The following GALNTL6 variants were observed in gnomAD, a reference collection of about 807,000 sequenced individuals.
GALNTL6 encodes the protein polypeptide N-acetylgalactosaminyltransferase-like 6.
GALNTL6 carries 46 observed loss-of-function variants against 73.7 expected under a neutral mutation model. The ratio of observed to expected loss-of-function variants is 0.62; its 90% CI spans 0.49 to 0.80. The LOEUF (loss-of-function observed/expected upper bound fraction) is 0.80. GALNTL6 is among the 30% of genes least tolerant of loss of function. GALNTL6 has a pLI of 0.00. For missense variants in GALNTL6, 604 were observed against 755.0 expected (o/e 0.80, Z 2.34); for synonymous variants, 259 against 263.7 (o/e 0.98, Z 0.17).
intron 12 of GALNTL6, among the ~76,000 whole-genome samples, chr4:173,033,447 A>G (rs566414200): frequency 7.2e-5 from 11 of 151,772 alleles, no homozygotes; most frequent in African/African-American, 2.4e-4. Flanking sequence ...TTTTATGCCT[A>G]TCAAGGTGTT....
intron 2 of GALNTL6, among the ~76,000 whole-genome samples, chr4:171,919,663 T>C (rs1158269221): frequency 2.0e-5 from 3 of 151,726 alleles, no homozygotes; most frequent in African/African-American, 7.3e-5. Context: ...CATAAAAAAA[T>C]CAGAATGGTA....
intron 5 of GALNTL6, among the ~76,000 whole-genome samples, chr4:172,445,999 T>C (rs1477588935): frequency 6.6e-6 from 1 of 152,104 alleles, no homozygotes; most frequent in Non-Finnish European, 1.5e-5. Context: ...TACCCTCAAG[T>C]TCAATGTAGA....
intron 5 of GALNTL6, among the ~76,000 whole-genome samples, chr4:172,570,064 A>G (rs771644287): frequency 1.3e-5 from 2 of 152,162 alleles, no homozygotes; most frequent in Non-Finnish European, 2.9e-5. Flanking sequence ...TGTCAGATGT[A>G]TTTTAGCTAA....
In GALNTL6 at chr4:172,281,102, G is replaced by A. The variant is rs572321366; in HGVS notation, c.248-30512G>A. On this transcript the variant is annotated intron_variant, in intron 3 of 12. Coordinates refer to ENST00000506823, the MANE Select transcript of GALNTL6 (RefSeq NM_001034845.3). Reference sequence around the variant, plus strand: ...GAGAATGGCATGAACCTGGGAGGCGGAGCTTGCAATGAACCGAGATCGCAC... The same window carrying A: ...GAGAATGGCATGAACCTGGGAGGCGAAGCTTGCAATGAACCGAGATCGCAC... Among the ~76,000 whole-genome samples, 34 of 152,070 alleles carry A rather than the reference G, an allele frequency of 2.2e-4. 1 individual carries two copies. In the South Asian group the frequency reaches 6.9e-3, roughly 31 times the overall value.
chr4:172,436,105 T>C (rs1731626035), intron 5 of GALNTL6, among the ~76,000 whole-genome samples: 1 of 152,146 alleles, frequency 6.6e-6, no homozygotes, highest in African/African-American at 2.4e-5. Context: ...TCCAGGGACG[T>C]ACATGACAAT....
intron 2 of GALNTL6, among the ~76,000 whole-genome samples, chr4:171,864,405 A>G (rs956153185): frequency 6.6e-6 from 1 of 152,222 alleles, no homozygotes; most frequent in Non-Finnish European, 1.5e-5. Context: ...TTCTTCAGGA[A>G]CTGAAAGAAA....
intron 2 of GALNTL6, among the ~76,000 whole-genome samples, chr4:172,229,009 T>C (rs1253657201): frequency 6.6e-6 from 1 of 152,208 alleles, no homozygotes; most frequent in Non-Finnish European, 1.5e-5. Flanking sequence ...CAGTATTTAA[T>C]AGTTTTTAAG....
In GALNTL6 at chr4:172,987,959, G is replaced by T. The variant is rs573244171; in HGVS notation, c.1372-21219G>T. ...TTTTCTAATAAATTACCCAGTTTCA[G>T]GTATTTATTTAAAGCAGTGAAAGAA... On this transcript the variant is annotated intron_variant, in intron 10 of 12. Coordinates refer to ENST00000506823, the MANE Select transcript of GALNTL6 (RefSeq NM_001034845.3). Among the ~76,000 whole-genome samples, 21 of 152,196 alleles carry T rather than the reference G, an allele frequency of 1.4e-4. 1 individual carries two copies. The South Asian group carries it at 2.7e-3, about 20-fold the overall frequency.
chr4:172,428,115 A>C (rs1162635571), intron 5 of GALNTL6, among the ~76,000 whole-genome samples: 1 of 152,158 alleles, frequency 6.6e-6, no homozygotes, highest in Non-Finnish European at 1.5e-5. Context: ...ATGATGTGAT[A>C]ATTTCAGTTA....
intron 2 of GALNTL6, among the ~76,000 whole-genome samples, chr4:171,819,058 T>G (rs1734612506): frequency 6.6e-6 from 1 of 152,028 alleles, no homozygotes; most frequent in South Asian, 2.1e-4. Context: ...GTTCCTTTTT[T>G]AGCAAATACC....
intron 4 of GALNTL6, among the ~76,000 whole-genome samples, chr4:172,334,760 G>A (rs1264531606): frequency 6.6e-6 from 1 of 152,072 alleles, no homozygotes; most frequent in African/African-American, 2.4e-5. Flanking sequence ...TCCAGTACAT[G>A]TTGAAAAGGA....
chr4:172,477,034 C>T (rs1016815386), intron 5 of GALNTL6, among the ~76,000 whole-genome samples: 2 of 151,196 alleles, frequency 1.3e-5, no homozygotes, highest in African/African-American at 4.9e-5. Flanking sequence ...ACGCCATTCC[C>T]CTGCCTCAGC....
intron 3 of GALNTL6, among the ~76,000 whole-genome samples, chr4:172,264,574 A>ATAT (rs1738378362): frequency 8.6e-6 from 1 of 116,524 alleles, no homozygotes; most frequent in South Asian, 2.4e-4. Context: ...ATATATATAT[A>ATAT]TATATATATA....
intron 8 of GALNTL6, among the ~76,000 whole-genome samples, chr4:172,923,919 C>T (rs1747916257): frequency 6.6e-6 from 1 of 152,066 alleles, no homozygotes; most frequent in South Asian, 2.1e-4. Flanking sequence ...GATTCAATTA[C>T]CTCCCACCGG....
At chr4:172,137,143 ATATGTCATT>A (rs1315455314) in intron 2 of GALNTL6, among the ~76,000 whole-genome samples, 2 of 152,082 alleles carry the variant, frequency 1.3e-5, no homozygotes, top group African/African-American at 4.8e-5. Context: ...AATAATTCTT[ATATGTCATT>A]ATTGACTGTT....
intron 5 of GALNTL6, among the ~76,000 whole-genome samples, chr4:172,683,798 CAAAAT>C (rs1732767110): frequency 6.6e-6 from 1 of 152,010 alleles, no homozygotes; most frequent in African/African-American, 2.4e-5. Flanking sequence ...TTATTTTTCC[CAAAAT>C]AATATCAATT....
At chr4:172,589,892 T>A (rs1393626367) in intron 5 of GALNTL6, among the ~76,000 whole-genome samples, 1 of 152,132 alleles carries the variant, frequency 6.6e-6, no homozygotes, top group Non-Finnish European at 1.5e-5. Flanking sequence ...ATTTACTACT[T>A]CTGAGAATGA....
intron 10 of GALNTL6, among the ~76,000 whole-genome samples, chr4:172,988,463 A>G (rs1751393145): frequency 6.6e-6 from 1 of 152,270 alleles, no homozygotes; most frequent in Non-Finnish European, 1.5e-5. Context: ...GAAACTTTTC[A>G]AAGGGGAAGC....
At chr4:172,182,817 GATATTTATAAA>G (rs1735296689) in intron 2 of GALNTL6, among the ~76,000 whole-genome samples, 1 of 152,010 alleles carries the variant, frequency 6.6e-6, no homozygotes, top group Admixed American at 6.6e-5. Context: ...TATACTCATT[GATATTTATAAA>G]ATATACTCAA....
Sources: gnomAD v4.1 joint callset for allele counts (sites outside exome capture counted in the v4.1 genomes callset) on GRCh38, gnomAD v4.1.1 for gene constraint, MANE v1.5 for transcripts, NCBI Gene and HGNC (gene_info 2026-07-23, HGNC 2026-07-21) for gene names.